Variants in DROSHA observed in about 807,000 individuals in gnomAD.
The protein encoded by DROSHA is drosha ribonuclease III, also known as ribonuclease 3.
A neutral mutation model predicts 181.9 loss-of-function variants in DROSHA; 56 were observed. That is an observed-to-expected ratio of 0.31 (90% CI 0.25 to 0.38). DROSHA has a LOEUF of 0.38. Among genes scored for constraint, DROSHA ranks in the 10% least tolerant of loss-of-function variants. The pLI, the probability that DROSHA is intolerant of heterozygous loss-of-function variation, is 1.00. For synonymous variants in DROSHA, 524 were observed against 591.2 expected (o/e 0.89, Z 1.65); for missense variants, 1,218 against 1,743.5 (o/e 0.70, Z 5.37).
intron 10 of DROSHA, among the ~76,000 whole-genome samples, chr5:31,507,233 G>T (rs1420560696): frequency 2.0e-5 from 3 of 152,202 alleles, no homozygotes; most frequent in Admixed American, 6.5e-5. Flanking sequence ...GGCTGAGCCA[G>T]GTGGATCACC....
chr5:31,508,943 C>T (rs550025891), intron 9 of DROSHA, among the ~76,000 whole-genome samples, 168 bp from the exon 10 acceptor site: 1 of 152,160 alleles, frequency 6.6e-6, no homozygotes, highest in Admixed American at 6.5e-5. Flanking sequence ...CTGCCTTAGC[C>T]TCCCGAGTAG....
chr5:31,520,709 T>C (rs754001808), intron 6 of DROSHA, among the ~76,000 whole-genome samples: 19 of 152,216 alleles, frequency 1.2e-4, no homozygotes, highest in South Asian at 2.1e-4. Flanking sequence ...CTTCGGGATA[T>C]AGAATTGATT....
At chr5:31,443,017 A>G (rs1030408372) in intron 23 of DROSHA, among the ~76,000 whole-genome samples, 1 of 151,786 alleles carries the variant, frequency 6.6e-6, no homozygotes, top group African/African-American at 2.4e-5. Flanking sequence ...CAAATAGTCC[A>G]TATGTGTCTC....
chr5:31,410,211 A>T (rs575997202), intron 31 of DROSHA, among the ~76,000 whole-genome samples: 1 of 152,328 alleles, frequency 6.6e-6, no homozygotes, highest in African/African-American at 2.4e-5. Flanking sequence ...ACTTATTTTG[A>T]AGTAATACAA....
intron 13 of DROSHA, among the ~76,000 whole-genome samples, chr5:31,491,620 A>G (rs952048540): frequency 1.3e-5 from 2 of 151,630 alleles, no homozygotes; most frequent in Non-Finnish European, 2.9e-5. Flanking sequence ...CAGGCAGTAG[A>G]TGGTGGGGGG....
intron 3 of DROSHA, among the ~76,000 whole-genome samples, chr5:31,530,278 G>A (rs1437228014): frequency 1.3e-5 from 2 of 152,070 alleles, no homozygotes; most frequent in South Asian, 2.1e-4. Flanking sequence ...GAGTCACTGC[G>A]CCTGACTCCT....
At chr5:31,491,375 G>A (rs548412437) in intron 13 of DROSHA, among the ~76,000 whole-genome samples, 2 of 152,242 alleles carry the variant, frequency 1.3e-5, no homozygotes, top group South Asian at 4.1e-4. Context: ...TTACAGATGA[G>A]AAAGCCAAAG....
chr5:31,525,520 A>AAT, intron 5 of DROSHA, among the ~76,000 whole-genome samples: 1 of 151,136 alleles, frequency 6.6e-6, no homozygotes, highest in African/African-American at 2.4e-5. Flanking sequence ...AAAAAAAAAA[A>AAT]AAAAAAAAGA....
intron 30 of DROSHA, among the ~76,000 whole-genome samples, chr5:31,420,101 C>T (rs370100817): frequency 7.9e-5 from 12 of 152,272 alleles, no homozygotes; most frequent in African/African-American, 2.9e-4. Context: ...AGCCAAGTCA[C>T]CATATTCTCT....
At chr5:31,493,507 T>C (rs1352175433) in intron 12 of DROSHA, among the ~76,000 whole-genome samples, 1 of 152,224 alleles carries the variant, frequency 6.6e-6, no homozygotes, top group African/African-American at 2.4e-5. Context: ...TGATGTAATA[T>C]TATGGGTGCC....
chr5:31,529,759 A>AAAAAAAAAAAAAAC (rs1741052854), intron 3 of DROSHA, among the ~76,000 whole-genome samples: 1 of 151,494 alleles, frequency 6.6e-6, no homozygotes, highest in African/African-American at 2.4e-5. Context: ...AAAAAAAAAA[A>AAAAAAAAAAAAAAC]CAAACCATGT....
At chr5:31,458,072 C>G (rs1327520261) in intron 20 of DROSHA, among the ~76,000 whole-genome samples, 1 of 152,172 alleles carries the variant, frequency 6.6e-6, no homozygotes, top group Non-Finnish European at 1.5e-5. Flanking sequence ...CCCCAACTTA[C>G]AATGGTAAGA....
chr5:31,431,516 T>C (rs1454198315), intron 26 of DROSHA, 60 bp downstream of exon 26: 4 of 1,556,886 alleles, frequency 2.6e-6, no homozygotes, highest in Admixed American at 1.7e-5. Flanking sequence ...AAATTTTATG[T>C]GCTCTCCAGA....
chr5:31,416,004 T>C (rs571895036), intron 30 of DROSHA, among the ~76,000 whole-genome samples: 9 of 152,348 alleles, frequency 5.9e-5, no homozygotes, highest in African/African-American at 1.9e-4. Context: ...AGTAGGCCTT[T>C]TGAATAGCCA....
At chr5:31,466,317 A>T (rs752418938) in intron 18 of DROSHA, 36 bp from the exon 19 acceptor site, 4 of 1,595,172 alleles carry the variant, frequency 2.5e-6, no homozygotes, top group Non-Finnish European at 3.4e-6. Context: ...TCAGGTAAAG[A>T]GGAGGTAAAC....
At chr5:31,527,812 T>C (rs1051052874) in intron 4 of DROSHA, among the ~76,000 whole-genome samples, 8 of 152,188 alleles carry the variant, frequency 5.3e-5, no homozygotes, top group African/African-American at 7.2e-5. Context: ...GTCTATAGCA[T>C]TTAGTCATGG....
chr5:31,451,872 T>A (rs1238407009), intron 20 of DROSHA, among the ~76,000 whole-genome samples: 6 of 152,202 alleles, frequency 3.9e-5, no homozygotes. Context: ...GCTCTGCCAC[T>A]CATTCACTGT....
intron 29 of DROSHA, 121 bp downstream of exon 29, chr5:31,422,666 C>A: frequency 1.6e-6 from 2 of 1,284,246 alleles, no homozygotes; most frequent in Non-Finnish European, 2.1e-6. Flanking sequence ...ACCCATCTCA[C>A]AATGTGACTT....
At chr5:31,507,861 A>G (rs1738170352) in intron 10 of DROSHA, among the ~76,000 whole-genome samples, 1 of 152,230 alleles carries the variant, frequency 6.6e-6, no homozygotes. Context: ...CTCAATTCCA[A>G]AGAGTAAAAG....
Sources: gnomAD v4.1 joint callset for allele counts (sites outside exome capture counted in the v4.1 genomes callset) on GRCh38, gnomAD v4.1.1 for gene constraint, MANE v1.5 for transcripts, NCBI Gene and HGNC (gene_info 2026-07-23, HGNC 2026-07-21) for gene names.